Variants in MAPKAP1 observed in about 807,000 individuals in gnomAD.
MAPKAP1 encodes target of rapamycin complex 2 subunit MAPKAP1.
MAPKAP1 carries 20 observed loss-of-function variants against 65.7 expected under a neutral mutation model. That is an observed-to-expected ratio of 0.30 (90% CI 0.21 to 0.44). MAPKAP1 has a LOEUF of 0.44. Ranked by LOEUF, MAPKAP1 falls within the 20% of genes least tolerant of loss-of-function variation. MAPKAP1 has a pLI of 1.00. For missense variants in MAPKAP1, 423 were observed against 648.0 expected, an observed-to-expected ratio of 0.65 and a Z score of 3.77; for synonymous variants, 222 against 244.3, an observed-to-expected ratio of 0.91 and a Z score of 0.85.
At chr9:125,443,554 C>T (rs1852575407) in intron 11 of MAPKAP1, among the ~76,000 whole-genome samples, 1 of 152,132 alleles carries the variant, frequency 6.6e-6, no homozygotes, top group Admixed American at 6.5e-5. Context: ...TCTGGCGCTT[C>T]TTGGAAACGT....
rs1477295404 is a variant in MAPKAP1 at position 125,438,469 on chromosome 9, T to C, written c.*418A>G. On this transcript the variant is annotated 3_prime_UTR_variant, in exon 12 of 12. Transcript: ENST00000265960. Reference sequence around the variant, plus strand: ...AAAGAATGGTCCATCATACCAACCATGATAAAGAGTACACCTGTTTATTAA... The same window carrying C: ...AAAGAATGGTCCATCATACCAACCACGATAAAGAGTACACCTGTTTATTAA... 2 of 402,218 alleles carry C rather than the reference T, an allele frequency of 5.0e-6. No individual in the cohort carries two copies. The highest frequency in any genetic ancestry group is 8.8e-6 in the Non-Finnish European group (2 of 228,224). 24.9% of individuals were successfully genotyped at this position (402,218 alleles called of 1,614,324 possible). A position where few individuals can be genotyped will look rare whatever the true frequency, so the allele number is the denominator to read the frequency against.
chr9:125,594,603 A>G (rs1832069689), intron 4 of MAPKAP1, among the ~76,000 whole-genome samples: 2 of 152,212 alleles, frequency 1.3e-5, no homozygotes, highest in South Asian at 4.1e-4. Context: ...CCAAGAAGGT[A>G]GAAGACGAAA....
intron 8 of MAPKAP1, among the ~76,000 whole-genome samples, chr9:125,500,394 C>T (rs902818570): frequency 4.0e-5 from 6 of 151,496 alleles, no homozygotes; most frequent in Admixed American, 2.0e-4. Context: ...GGGGTTTCAC[C>T]GTGTTAGCCA....
intron 2 of MAPKAP1, among the ~76,000 whole-genome samples, chr9:125,670,752 G>A (rs1303301032): frequency 1.3e-5 from 2 of 152,072 alleles, no homozygotes; most frequent in East Asian, 1.9e-4. Flanking sequence ...AACAACTGCC[G>A]CATACAGAGA....
chr9:125,684,144 G>A (rs990268727), intron 1 of MAPKAP1, among the ~76,000 whole-genome samples: 2 of 152,114 alleles, frequency 1.3e-5, no homozygotes, highest in Admixed American at 1.3e-4. Context: ...CCCAATTCTA[G>A]ATTCATAAAT....
chr9:125,611,364 G>C (rs1832594896), intron 4 of MAPKAP1, among the ~76,000 whole-genome samples: 1 of 152,140 alleles, frequency 6.6e-6, no homozygotes, highest in Non-Finnish European at 1.5e-5. Context: ...ATGAGTTGAA[G>C]AAATTACCTA....
chr9:125,616,117 C>T (rs2131640147), intron 4 of MAPKAP1, among the ~76,000 whole-genome samples: 1 of 152,088 alleles, frequency 6.6e-6, no homozygotes, highest in African/African-American at 2.4e-5. Context: ...GCGAGCATGA[C>T]AAACCAATGG....
chr9:125,568,854 G>A (rs746238156), intron 5 of MAPKAP1: 1 of 178,596 alleles, frequency 5.6e-6, no homozygotes, highest in Non-Finnish European at 1.3e-5. Flanking sequence ...AAAAGGGTAA[G>A]AATTTCTTTC....
intron 4 of MAPKAP1, among the ~76,000 whole-genome samples, chr9:125,603,386 T>C (rs1162852439): frequency 8.7e-6 from 1 of 114,510 alleles, no homozygotes; most frequent in Non-Finnish European, 1.9e-5. Context: ...AAAATAACAA[T>C]GTGGTCCTTG....
intron 4 of MAPKAP1, among the ~76,000 whole-genome samples, chr9:125,648,464 T>C (rs535591623): frequency 3.6e-4 from 55 of 152,326 alleles, no homozygotes; most frequent in Admixed American, 9.1e-4. Context: ...GCCACATTCC[T>C]GATTCTAAAC....
rs1216463261 is a variant in MAPKAP1, at chr9:125,693,830, CAT to C, written c.-70+13139_-70+13140del. ...ATACACACACATATACACACACACACATATATATACACACATACACACACACA... is the reference window on the plus strand; with the variant it reads ...ATACACACACATATACACACACACACATATATACACACATACACACACACA... On this transcript the variant is annotated intron_variant, in intron 1 of 11. Coordinates refer to ENST00000265960, the MANE Select transcript of MAPKAP1 (RefSeq NM_001006617.3). Among the ~76,000 whole-genome samples, 312 of 100,402 alleles carry C rather than the reference CAT, an allele frequency of 3.1e-3. 11 individuals are homozygous for C. The highest frequency in any genetic ancestry group is 0.01 in the Middle Eastern group (2 of 194). The allele number at this position is 100,402 out of a possible 152,430, so 65.9% of individuals were successfully genotyped here. A position where few individuals can be genotyped will look rare whatever the true frequency, so the allele number is the denominator to read the frequency against.
chr9:125,569,353 C>T (rs576567095), intron 5 of MAPKAP1, among the ~76,000 whole-genome samples: 4 of 152,328 alleles, frequency 2.6e-5, no homozygotes, highest in South Asian at 2.1e-4. Flanking sequence ...TGCTATCTAT[C>T]GCTCAGTAGC....
intron 3 of MAPKAP1, among the ~76,000 whole-genome samples, chr9:125,659,239 C>G (rs1834119134): frequency 6.6e-6 from 1 of 152,122 alleles, no homozygotes; most frequent in East Asian, 1.9e-4. Context: ...ATTTTCCTCA[C>G]CTGGCACAGT....
At chr9:125,581,195 T>C (rs747835158) in intron 5 of MAPKAP1, among the ~76,000 whole-genome samples, 95 of 152,264 alleles carry the variant, frequency 6.2e-4, no homozygotes, top group Non-Finnish European at 1.2e-3. Context: ...AATGTAAGTT[T>C]TCACTGCTCT....
intron 1 of MAPKAP1, among the ~76,000 whole-genome samples, chr9:125,697,930 A>T (rs1473458696): frequency 6.6e-6 from 1 of 152,034 alleles, no homozygotes; most frequent in African/African-American, 2.4e-5. Flanking sequence ...CACTCTCACA[A>T]TATAATCAAT....
chr9:125,560,948 G>T (rs927450192), intron 5 of MAPKAP1, among the ~76,000 whole-genome samples: 1 of 152,220 alleles, frequency 6.6e-6, no homozygotes, highest in Non-Finnish European at 1.5e-5. Flanking sequence ...TACAGACAGT[G>T]TAAGAGTGCA....
chr9:125,458,709 C>A (rs1028326312), intron 10 of MAPKAP1, among the ~76,000 whole-genome samples: 2 of 149,392 alleles, frequency 1.3e-5, no homozygotes, highest in African/African-American at 5.0e-5. Flanking sequence ...GTCATCCTGG[C>A]CTGTTCTCAA....
intron 1 of MAPKAP1, among the ~76,000 whole-genome samples, chr9:125,698,296 T>TATATATAAA (rs1835470894): frequency 1.4e-3 from 14 of 10,064 alleles, no homozygotes; most frequent in African/African-American, 5.6e-3. Flanking sequence ...TAAATATATA[T>TATATATAAA]ATATATATAT....
intron 4 of MAPKAP1, among the ~76,000 whole-genome samples, chr9:125,621,807 T>C (rs573981013): frequency 6.6e-6 from 1 of 152,346 alleles, no homozygotes; most frequent in Admixed American, 6.5e-5. Context: ...AATTTGAACA[T>C]ATTTGATGCA....
Sources: allele counts gnomAD v4.1 joint callset (sites outside exome capture counted in the v4.1 genomes callset), GRCh38; gene constraint gnomAD v4.1.1; transcripts MANE v1.5; gene names NCBI Gene and HGNC (gene_info 2026-07-23, HGNC 2026-07-21).